ALMS1: variants seen among roughly 807,000 people sequenced by gnomAD.
ALMS1 encodes the protein ALMS1 centrosome and basal body associated protein, also known as centrosome-associated protein ALMS1.
In ALMS1, 271 loss-of-function variants were observed where a neutral mutation model predicts 352.2. That is an observed-to-expected ratio of 0.77 (90% CI 0.70 to 0.85). ALMS1 has a LOEUF of 0.85. Among genes scored for constraint, ALMS1 ranks in the 40% least tolerant of loss-of-function variants. The pLI, the probability that ALMS1 is intolerant of heterozygous loss-of-function variation, is 0.00. For synonymous variants in ALMS1, 1,865 were observed against 1,761.2 expected (o/e 1.06, Z -1.48); for missense variants, 5,445 against 4,870.7 (o/e 1.12, Z -3.51).
chr2:73,609,667 C>G lies in ALMS1; in HGVS notation c.*55C>G. On this transcript the variant is annotated 3_prime_UTR_variant, in exon 23 of 23. Coordinates refer to ENST00000613296, the MANE Select transcript of ALMS1 (RefSeq NM_001378454.1). The stretch of plus-strand genomic sequence containing the variant: ...ATTCTATTTTATGAACCTAGAGAAG[C>G]AGAATCCTTACTTTTGTGAGTCTGG... 2 of 1,538,120 alleles carry G rather than the reference C, an allele frequency of 1.3e-6. No individual in the cohort carries two copies. Among genetic ancestry groups the G allele is most frequent in the Non-Finnish European group, 9.0e-7 (1 of 1,111,068 alleles).
Position 73,550,322 on chromosome 2 carries a change from T to G in ALMS1, c.9963T>G (p.Asp3321Glu). The G allele has an allele frequency of 6.2e-7, 1 of 1,614,186 alleles. No individual in the cohort carries two copies. The highest frequency in any genetic ancestry group is 8.5e-7 in the Non-Finnish European group (1 of 1,180,016). Residue 3321 changes from aspartate (D) to glutamate (E), a missense_variant, in exon 13 of 23, where the codon GAT becomes GAG. Asp to Glu is a conservative substitution (Grantham distance 45). Coordinates refer to ENST00000613296, the MANE Select transcript of ALMS1 (RefSeq NM_001378454.1). Reference sequence around the variant, plus strand: ...CAGCTCAGGTGCTAGGCACAAGAGATGATGACCTCTCAGCCACTGTTAACA... The same window carrying G: ...CAGCTCAGGTGCTAGGCACAAGAGAGGATGACCTCTCAGCCACTGTTAACA... Reference protein sequence around the residue: ...DFPAQVLGTRDDDLSATVNIK... With the variant: ...DFPAQVLGTREDDLSATVNIK...
Position 73,519,800 on chromosome 2 carries a change from C to G in ALMS1, c.9565C>G (p.Leu3189Val). The change falls in exon 11 of 23, where the codon CTT becomes GTT. Residue 3189 changes from leucine to valine, a missense_variant. Physicochemically the swap from Leu to Val is conservative, Grantham distance 32. Transcript: ENST00000613296. ...ATTACCAGAGAAGATGAAGACCCCACTTTCTGCTTTCTCTGAAAAATTGTC... is the reference window on the plus strand; with the variant it reads ...ATTACCAGAGAAGATGAAGACCCCAGTTTCTGCTTTCTCTGAAAAATTGTC... ...DRLPEKMKTP[L>V]SAFSEKLSSD... is the part of the protein sequence containing the mutation. 2 of 1,614,044 alleles carry G rather than the reference C, an allele frequency of 1.2e-6. No homozygotes were observed. The highest frequency in any genetic ancestry group is 1.7e-6 in the Non-Finnish European group (2 of 1,179,936).
rs767547246 is a variant in ALMS1, at chr2:73,451,465, T to G, written c.4938T>G (p.Ala1646=). The G allele has an allele frequency of 6.8e-6, 11 of 1,613,940 alleles. No individual in the cohort carries two copies. The African/African-American group carries it at 1.5e-4, about 22-fold the overall frequency. The change falls in exon 8 of 23, where the codon GCT becomes GCG. Residue 1646 remains alanine, a synonymous_variant. Coordinates refer to ENST00000613296, the MANE Select transcript of ALMS1 (RefSeq NM_001378454.1). ...PLNKEVVKVS[A]APGPADQKTE... ...ATAAAGAGGTTGTGAAAGTTTCAGCTGCTCCTGGACCAGCTGACCAGAAGA... is the reference window on the plus strand; with the variant it reads ...ATAAAGAGGTTGTGAAAGTTTCAGCGGCTCCTGGACCAGCTGACCAGAAGA...
At chr2:73,488,147 A>G (rs951667379) in intron 9 of ALMS1, among the ~76,000 whole-genome samples, 1 of 150,872 alleles carries the variant, frequency 6.6e-6, no homozygotes, top group Non-Finnish European at 1.5e-5. Context: ...CCTGTCTGCC[A>G]TCTCTGCCAT....
In ALMS1 at chr2:73,449,681, C is replaced by A; in HGVS notation, c.3154C>A (p.Gln1052Lys). Reference protein sequence around the residue: ...IPAVQSSSYPQREKPSVLYPQ... With the variant: ...IPAVQSSSYPKREKPSVLYPQ... The stretch of plus-strand genomic sequence containing the variant: ...AGCAGTACAGTCTAGTTCTTACCCA[C>A]AGAGGGAGAAGCCTAGTGTTTTGTA... Residue 1052 changes from glutamine to lysine, a missense_variant, in exon 8 of 23, where the codon CAG becomes AAG. By Grantham distance (53) the Gln-to-Lys change is moderately conservative (BLOSUM62 1). Transcript: ENST00000613296. The A allele has an allele frequency of 6.2e-7, 1 of 1,614,098 alleles. No individual in the cohort carries two copies. The highest frequency in any genetic ancestry group is 8.5e-7 in the Non-Finnish European group (1 of 1,179,962).
chr2:73,430,390 T>C (rs1337342214), intron 6 of ALMS1, among the ~76,000 whole-genome samples: 1 of 152,246 alleles, frequency 6.6e-6, no homozygotes, highest in East Asian at 1.9e-4. Context: ...TTACCTACTT[T>C]AATAGTTCTA....
intron 10 of ALMS1, among the ~76,000 whole-genome samples, chr2:73,514,535 AAAC>A (rs1673517313): frequency 6.6e-6 from 1 of 152,204 alleles, no homozygotes; most frequent in African/African-American, 2.4e-5. Flanking sequence ...TGCTTTGAAC[AAAC>A]AACATTCTTT....
chr2:73,602,078 C>T (rs1474276542), intron 19 of ALMS1, 107 bp from the exon 20 acceptor site: 4 of 1,167,078 alleles, frequency 3.4e-6, no homozygotes, highest in Non-Finnish European at 5.0e-6. Flanking sequence ...GCATTTGAAT[C>T]AGACTTCCCC....
At position 73,572,786 on chromosome 2, in the gene ALMS1, C is replaced by G. The variant is rs754108525; in HGVS notation, c.10909C>G (p.Gln3637Glu). Residue 3637 changes from glutamine (Q) to glutamate (E), a missense_variant, in exon 16 of 23, where the codon CAG (glutamine) becomes GAG (glutamate). Physicochemically the swap from Gln to Glu is conservative, Grantham distance 29 (BLOSUM62 2). Coordinates refer to ENST00000613296, the MANE Select transcript of ALMS1 (RefSeq NM_001378454.1). ...ACTTGATCGTTTGGCTAAAATTCTT[C>G]AGAATCCAATCACACATTCTCTCCA... ...DRLDRLAKIL[Q>E]NPITHSLQVS... 6.2e-7 allele frequency: 1 copy of G among 1,614,072 alleles called. No individual in the cohort carries two copies. The highest frequency in any genetic ancestry group is 2.2e-5 in the East Asian group (1 of 44,878).
intron 2 of ALMS1, among the ~76,000 whole-genome samples, chr2:73,412,947 C>G (rs766676593): frequency 2.0e-4 from 30 of 152,020 alleles, no homozygotes; most frequent in Non-Finnish European, 4.1e-4. Flanking sequence ...TCTGATTGCC[C>G]TGCATTCTTG....
intron 3 of ALMS1, among the ~76,000 whole-genome samples, chr2:73,421,450 T>G (rs1384351018): frequency 6.6e-6 from 1 of 152,182 alleles, no homozygotes; most frequent in Non-Finnish European, 1.5e-5. Context: ...GGTGAAGGAC[T>G]GTTACGGAGG....
intron 1 of ALMS1, among the ~76,000 whole-genome samples, chr2:73,401,291 C>A (rs1333446326): frequency 6.6e-6 from 1 of 151,948 alleles, no homozygotes; most frequent in East Asian, 1.9e-4. Context: ...ATTTATTCTT[C>A]TTTTTCTAGT....
At chr2:73,482,156 G>A (rs370002630) in intron 9 of ALMS1, among the ~76,000 whole-genome samples, 91 of 152,168 alleles carry the variant, frequency 6.0e-4, no homozygotes, top group African/African-American at 1.6e-3. Flanking sequence ...GTCTTGTGCC[G>A]GTTTTCAAAG....
intron 2 of ALMS1, among the ~76,000 whole-genome samples, chr2:73,413,112 C>T (rs574403069): frequency 6.6e-6 from 1 of 151,418 alleles, no homozygotes; most frequent in African/African-American, 2.4e-5. Context: ...CTTATTTGCC[C>T]TCCATGTTTC....
At chr2:73,437,273 C>A (rs924701499) in intron 7 of ALMS1, among the ~76,000 whole-genome samples, 1 of 152,192 alleles carries the variant, frequency 6.6e-6, no homozygotes, top group Non-Finnish European at 1.5e-5. Context: ...TGGTCTACTT[C>A]TCTTGGAATA....
chr2:73,448,334 G>C lies in ALMS1; in HGVS notation c.1807G>C (p.Ala603Pro), dbSNP rs745501026. 2.5e-6 allele frequency: 4 copies of C among 1,613,972 alleles called. No homozygotes were observed. Among genetic ancestry groups the C allele is most frequent in the Non-Finnish European group, 3.4e-6 (4 of 1,179,928 alleles). The change falls in exon 8 of 23, where the codon GCT becomes CCT. Residue 603 changes from alanine to proline, a missense_variant. Transcript: ENST00000613296. ...AACTGAAGAGGCTTTGAAAGTTTCA[G>C]CTGCTCCTGGACTAGCTGACCAGAC... is the stretch of plus-strand genomic sequence containing the variant. ...HLTEEALKVS[A>P]APGLADQTTG...
intron 15 of ALMS1, among the ~76,000 whole-genome samples, chr2:73,560,933 C>T (rs1674646646): frequency 6.6e-6 from 1 of 152,194 alleles, no homozygotes. Flanking sequence ...CCAGCAGACT[C>T]ACGTCCAAAG....
chr2:73,491,095 T>G lies in ALMS1; in HGVS notation c.9136T>G (p.Cys3046Gly). 6.2e-7 allele frequency: 1 copy of G among 1,614,198 alleles called. No individual in the cohort carries two copies. Among genetic ancestry groups the G allele is most frequent in the Non-Finnish European group, 8.5e-7 (1 of 1,180,020 alleles). The change falls in exon 10 of 23, where the codon TGT (cysteine) becomes GGT (glycine). Residue 3046 changes from cysteine to glycine, a missense_variant. Transcript: ENST00000613296. ...TCCTTCAAATAGAAAAGCACTTTCT[T>G]GTGTTCATATAACTCTTTGTCCCAA... Reference protein sequence around the residue: ...TPPSNRKALSCVHITLCPKTS... With the variant: ...TPPSNRKALSGVHITLCPKTS...
In ALMS1 at chr2:73,557,232, A is replaced by C; in HGVS notation, c.10091A>C (p.Gln3364Pro). The C allele has an allele frequency of 6.2e-7, 1 of 1,614,136 alleles. No homozygotes were observed. Reference sequence around the variant, plus strand: ...GTCGTTATTCCAGATGCCTCAGTTCAAGTGCTAATCACTGGGGATGAGAAC... The same window carrying C: ...GTCGTTATTCCAGATGCCTCAGTTCCAGTGCTAATCACTGGGGATGAGAAC... ...LQNENADASVQVLITGDENLS... is the reference protein window; with the variant it reads ...LQNENADASVPVLITGDENLS... The change falls in exon 14 of 23, where the codon CAA (glutamine) becomes CCA (proline). Residue 3364 changes from glutamine to proline, a missense_variant. Gln to Pro is a moderately conservative substitution (Grantham distance 76, BLOSUM62 -1). Transcript: ENST00000613296.
Sources: gnomAD v4.1 joint callset for allele counts (sites outside exome capture counted in the v4.1 genomes callset) on GRCh38, gnomAD v4.1.1 for gene constraint, MANE v1.5 for transcripts, NCBI Gene and HGNC (gene_info 2026-07-23, HGNC 2026-07-21) for gene names.